Variants in DLGAP1 observed in about 807,000 individuals in gnomAD.
DLGAP1 encodes disks large-associated protein 1.
In DLGAP1, 11 loss-of-function variants were observed where a neutral mutation model predicts 90.8. That is an observed-to-expected ratio of 0.12 (90% CI 0.08 to 0.20). The LOEUF (loss-of-function observed/expected upper bound fraction) is 0.20. DLGAP1 is among the 10% of genes least tolerant of loss of function. The pLI, the probability that DLGAP1 is intolerant of heterozygous loss-of-function variation, is 1.00. For synonymous variants in DLGAP1, 558 were observed against 540.7 expected (o/e 1.03, Z -0.44); for missense variants, 1,050 against 1,333.8 (o/e 0.79, Z 3.31).
intron 1 of DLGAP1, among the ~76,000 whole-genome samples, chr18:4,379,140 C>T (rs550042995): frequency 6.6e-6 from 1 of 152,100 alleles, no homozygotes; most frequent in Non-Finnish European, 1.5e-5. Flanking sequence ...GAATGGGAAA[C>T]TATGGAAGCC....
chr18:4,454,193 G>C lies in DLGAP1; in HGVS notation c.-267+813C>G, dbSNP rs2083908665. 6.6e-6 allele frequency among the ~76,000 whole-genome samples: 1 copy of C among 152,216 alleles called. No individual in the cohort carries two copies. The highest frequency in any genetic ancestry group is 6.5e-5 in the Admixed American group (1 of 15,290). On this transcript the variant is annotated intron_variant, in intron 1 of 12. Transcript: ENST00000315677. This position sits in a 1 kb window ranked among gnomAD's most constrained non-coding sequence, Gnocchi z 4.7. ...TCTTCATCGCCGCGGGCCCTCCGAA[G>C]GTGCCTCTCCCAGCTGCAGCCGCCC...
intron 11 of DLGAP1, among the ~76,000 whole-genome samples, chr18:3,506,414 G>A (rs917022785): frequency 8.6e-5 from 13 of 150,846 alleles, no homozygotes; most frequent in African/African-American, 3.2e-4. Context: ...TCGGGAGGGT[G>A]AGGCAGGAGA....
At chr18:3,607,073 T>G (rs2057360266) in intron 7 of DLGAP1, 1 of 152,192 alleles carries the variant, frequency 6.6e-6, no homozygotes, top group South Asian at 2.1e-4. Context: ...AGGTGATTGA[T>G]CCACCTGCCT....
chr18:3,811,107 A>T (rs1459595694), intron 5 of DLGAP1, among the ~76,000 whole-genome samples: 1 of 152,202 alleles, frequency 6.6e-6, no homozygotes, highest in African/African-American at 2.4e-5. Context: ...TGCCAGGCCA[A>T]TCTGGTTAAA....
At chr18:4,421,271 C>G (rs557903639) in intron 1 of DLGAP1, among the ~76,000 whole-genome samples, 1 of 152,178 alleles carries the variant, frequency 6.6e-6, no homozygotes, top group East Asian at 1.9e-4. Flanking sequence ...TCTCTCTGCT[C>G]TGTCTTCACT....
intron 1 of DLGAP1, among the ~76,000 whole-genome samples, chr18:4,339,134 T>C (rs2081135913): frequency 6.6e-6 from 1 of 152,210 alleles, no homozygotes; most frequent in South Asian, 2.1e-4. Flanking sequence ...CCATGAATTA[T>C]TGACTCTTTC....
intron 5 of DLGAP1, among the ~76,000 whole-genome samples, chr18:3,796,502 A>G (rs1421909403): frequency 2.0e-5 from 3 of 152,242 alleles, no homozygotes; most frequent in African/African-American, 7.2e-5. Context: ...AATGTTTCTA[A>G]TAATTGTAAC....
chr18:4,071,646 T>C (rs533615052), intron 2 of DLGAP1, among the ~76,000 whole-genome samples: 109 of 152,142 alleles, frequency 7.2e-4, no homozygotes, highest in Non-Finnish European at 1.4e-3. Context: ...TTTCACAATG[T>C]ACGATAATGA....
intron 1 of DLGAP1, among the ~76,000 whole-genome samples, chr18:4,388,811 C>T (rs2082285679): frequency 6.6e-6 from 1 of 152,060 alleles, no homozygotes; most frequent in South Asian, 2.1e-4. Flanking sequence ...TGAGATATCA[C>T]CTCACACCCA....
chr18:3,952,182 TGACTC>T (rs2072999448), intron 3 of DLGAP1, among the ~76,000 whole-genome samples: 1 of 152,254 alleles, frequency 6.6e-6, no homozygotes, highest in African/African-American at 2.4e-5. Flanking sequence ...TTAATTAACA[TGACTC>T]AGATCATACA....
chr18:3,514,540 T>A (rs2050720483), intron 10 of DLGAP1, among the ~76,000 whole-genome samples: 1 of 152,228 alleles, frequency 6.6e-6, no homozygotes, highest in South Asian at 2.1e-4. Flanking sequence ...TGTTTCATTT[T>A]AGTCTAACTT....
chr18:3,997,836 A>G (rs2074101409), intron 3 of DLGAP1, among the ~76,000 whole-genome samples: 1 of 152,154 alleles, frequency 6.6e-6, no homozygotes, highest in African/African-American at 2.4e-5. Flanking sequence ...AATTATTGAG[A>G]TAGTTTACAT....
At chr18:3,911,644 A>G (rs1199209924) in intron 3 of DLGAP1, among the ~76,000 whole-genome samples, 2 of 152,350 alleles carry the variant, frequency 1.3e-5, no homozygotes, top group South Asian at 2.1e-4. Flanking sequence ...ATAAATTTTC[A>G]ATCCTACAGA....
chr18:4,162,497 C>T (rs939224575), intron 1 of DLGAP1, among the ~76,000 whole-genome samples: 61 of 152,192 alleles, frequency 4.0e-4, no homozygotes, highest in African/African-American at 1.3e-3. Context: ...TCATTGTGTG[C>T]ACCTACTAAT....
intron 1 of DLGAP1, among the ~76,000 whole-genome samples, chr18:4,419,897 CA>C (rs2082990033): frequency 1.3e-5 from 2 of 151,796 alleles, no homozygotes; most frequent in East Asian, 1.9e-4. Flanking sequence ...CATAGAAGGC[CA>C]AAAAAATCAA....
chr18:3,955,074 G>T (rs1288066753), intron 3 of DLGAP1, among the ~76,000 whole-genome samples: 5 of 152,142 alleles, frequency 3.3e-5, no homozygotes, highest in Non-Finnish European at 5.9e-5. Context: ...AGGCTGCGGG[G>T]GGGAAGGAAC....
rs536261836 is a variant in DLGAP1 at position 4,081,413 on chromosome 18, A to C, written c.-159+69767T>G. ...AAAGAGGAATTTTCTTATACTTCTT[A>C]CTCTGTTTGTATAAGACTCCTATAG... On this transcript the variant is annotated intron_variant, in intron 2 of 12. Transcript: ENST00000315677. Among the ~76,000 whole-genome samples, 3 of 151,852 alleles carry C rather than the reference A, an allele frequency of 2.0e-5. No homozygotes were observed. The South Asian group carries it at 6.3e-4, about 32-fold the overall frequency.
chr18:3,694,796 A>C (rs1169844094), intron 7 of DLGAP1, among the ~76,000 whole-genome samples: 3 of 151,816 alleles, frequency 2.0e-5, no homozygotes, highest in Non-Finnish European at 4.4e-5. Flanking sequence ...TGTCAGATGG[A>C]TAGATTGCAA....
At chr18:4,172,849 T>C (rs1487161845) in intron 1 of DLGAP1, among the ~76,000 whole-genome samples, 1 of 152,238 alleles carries the variant, frequency 6.6e-6, no homozygotes, top group Middle Eastern at 3.2e-3. Context: ...AACGATACAA[T>C]TCCTTAGCAG....
Sources: allele counts gnomAD v4.1 joint callset (sites outside exome capture counted in the v4.1 genomes callset), GRCh38; gene constraint gnomAD v4.1.1; non-coding constraint Gnocchi (gnomAD v3.1); transcripts MANE v1.5; gene names NCBI Gene and HGNC (gene_info 2026-07-23, HGNC 2026-07-21).